Variants in ZNF83 observed in about 807,000 individuals in gnomAD.
ZNF83 encodes the protein zinc finger protein 83, also known as zinc finger protein 816B.
For missense variants in ZNF83, 552 were observed against 629.9 expected, an observed-to-expected ratio of 0.88 and a Z score of 1.32; for synonymous variants, 209 against 213.0, an observed-to-expected ratio of 0.98 and a Z score of 0.17.
intron 2 of ZNF83, among the ~76,000 whole-genome samples, chr19:52,631,492 T>G (rs906729854): frequency 5.3e-5 from 8 of 152,298 alleles, no homozygotes; most frequent in African/African-American, 1.7e-4. Flanking sequence ...ACTCTCTACA[T>G]TTCTCATAAC....
intron 2 of ZNF83, among the ~76,000 whole-genome samples, chr19:52,632,167 G>A (rs1406395887): frequency 6.6e-6 from 1 of 152,152 alleles, no homozygotes; most frequent in African/African-American, 2.4e-5. Context: ...CCTCTATACA[G>A]TCTGACAGCA....
At chr19:52,631,909 TCTA>T (rs1568548147) in intron 2 of ZNF83, among the ~76,000 whole-genome samples, 1 of 147,486 alleles carries the variant, frequency 6.8e-6, no homozygotes, top group African/African-American at 2.5e-5. Flanking sequence ...CATCTGCTAT[TCTA>T]CTACTCCTCA....
chr19:52,674,746 T>C (rs533823738), intron 1 of ZNF83, among the ~76,000 whole-genome samples: 5 of 152,330 alleles, frequency 3.3e-5, no homozygotes, highest in Admixed American at 2.0e-4. Context: ...TCTATGAACA[T>C]TGATCAAAAT....
At chr19:52,622,540 C>G (rs1292852586) in intron 2 of ZNF83, among the ~76,000 whole-genome samples, 1 of 152,154 alleles carries the variant, frequency 6.6e-6, no homozygotes, top group Non-Finnish European at 1.5e-5. Context: ...CAGACAGGCT[C>G]CCCAGGTATA....
chr19:52,630,891 T>G (rs1453251309), intron 2 of ZNF83, among the ~76,000 whole-genome samples: 3 of 152,088 alleles, frequency 2.0e-5, no homozygotes, highest in Non-Finnish European at 4.4e-5. Context: ...CAGATAAGAC[T>G]TAATAGGTTA....
chr19:52,645,031 AG>A lies in ZNF83; in HGVS notation c.-73-9879del, dbSNP rs398035022. Among the ~76,000 whole-genome samples, 5 of 145,540 alleles carry A rather than the reference AG, an allele frequency of 3.4e-5. No individual in the cohort carries two copies. In the East Asian group the frequency reaches 8.6e-4, roughly 25 times the overall value. ...ATCTTAAAAAAAAAAAAAAAAAAAA[AG>A]GGGGTGCTTTTGGCACAGCGTTCCG... is the stretch of plus-strand genomic sequence containing the variant. On this transcript the variant is annotated intron_variant, in intron 3 of 5. Coordinates refer to the ZNF83 transcript ENST00000594682.
intron 2 of ZNF83, among the ~76,000 whole-genome samples, chr19:52,624,017 CCCAGCCCCTCTTT>C (rs1451449302): frequency 2.0e-5 from 3 of 152,198 alleles, no homozygotes; most frequent in Admixed American, 6.5e-5. Context: ...CACCCCTCAT[CCCAGCCCCTCTTT>C]GCTTTTACCT....
chr19:52,669,545 C>A (rs140616492), intron 1 of ZNF83, among the ~76,000 whole-genome samples: 2 of 152,136 alleles, frequency 1.3e-5, no homozygotes, highest in Admixed American at 6.5e-5. Flanking sequence ...GAGTTTGCAT[C>A]ATAATTAAAA....
At chr19:52,673,034 A>C (rs772739216) in intron 1 of ZNF83, among the ~76,000 whole-genome samples, 16 of 151,740 alleles carry the variant, frequency 1.1e-4, no homozygotes, top group Non-Finnish European at 2.2e-4. Context: ...GGTGGCTCAA[A>C]CCTATAAGCC....
chr19:52,662,506 G>A (rs2061593454), intron 1 of ZNF83, among the ~76,000 whole-genome samples: 1 of 152,158 alleles, frequency 6.6e-6, no homozygotes, highest in South Asian at 2.1e-4. Flanking sequence ...CAGAGACAAG[G>A]AGAGGTTCAA....
chr19:52,646,003 G>C (rs570903484), intron 3 of ZNF83, among the ~76,000 whole-genome samples: 19 of 152,142 alleles, frequency 1.2e-4, no homozygotes, highest in Admixed American at 5.2e-4. Flanking sequence ...GCAGTGGCAT[G>C]ATTTCGGCTC....
chr19:52,620,230 ATATGTATATATG>A (rs1312691169), intron 2 of ZNF83, among the ~76,000 whole-genome samples: 1 of 98,788 alleles, frequency 1.0e-5, no homozygotes, highest in Non-Finnish European at 2.4e-5. Context: ...GTGTATGTGT[ATATGTATATATG>A]TGTGTGTATA....
At chr19:52,656,087 C>G (rs1368629140) in intron 2 of ZNF83, among the ~76,000 whole-genome samples, 1 of 152,044 alleles carries the variant, frequency 6.6e-6, no homozygotes, top group Non-Finnish European at 1.5e-5. Context: ...GTTGTGCATG[C>G]CTCTAGTCCC....
intron 1 of ZNF83, among the ~76,000 whole-genome samples, chr19:52,666,102 T>C (rs2066632419): frequency 6.8e-6 from 1 of 147,664 alleles, no homozygotes; most frequent in Non-Finnish European, 1.5e-5. Context: ...AGGCGGAGCT[T>C]GCAGTGAGCC....
chr19:52,652,253 T>A lies in ZNF83; in HGVS notation c.-74+3308A>T, dbSNP rs185858626. On this transcript the variant is annotated intron_variant, in intron 3 of 5. Coordinates refer to the ZNF83 transcript ENST00000594682. ...AGAGTTGAGAGCAACCAGGCCAACA[T>A]GGTGAAACCCTGTCTCTACTAAAAA... 4.5e-4 allele frequency: 105 copies of A among 232,712 alleles called. 2 individuals are homozygous for A. The allele number at this position is 232,712 out of a possible 1,614,324, so 14.4% of individuals were successfully genotyped here.
At chr19:52,687,800 G>A (rs1051351646) in intron 1 of ZNF83, among the ~76,000 whole-genome samples, 5 of 148,586 alleles carry the variant, frequency 3.4e-5, no homozygotes, top group Non-Finnish European at 5.9e-5. Flanking sequence ...ACTCCAGCCC[G>A]AGTGATACAG....
At chr19:52,672,917 T>C (rs545119581) in intron 1 of ZNF83, among the ~76,000 whole-genome samples, 1 of 152,142 alleles carries the variant, frequency 6.6e-6, no homozygotes, top group South Asian at 2.1e-4. Flanking sequence ...AAATAGAACA[T>C]GATAATGGGT....
chr19:52,623,312 GT>G (rs1169338386), intron 2 of ZNF83, among the ~76,000 whole-genome samples: 1 of 152,128 alleles, frequency 6.6e-6, no homozygotes, highest in African/African-American at 2.4e-5. Flanking sequence ...TCCATCCCCT[GT>G]TTAATTGATA....
intron 2 of ZNF83, among the ~76,000 whole-genome samples, chr19:52,623,694 A>C (rs1171456551): frequency 6.6e-6 from 1 of 151,970 alleles, no homozygotes; most frequent in African/African-American, 2.4e-5. Flanking sequence ...ACCCATACCT[A>C]ATCACCCTTA....
Sources: gnomAD v4.1 joint callset for allele counts (sites outside exome capture counted in the v4.1 genomes callset) on GRCh38, gnomAD v4.1.1 for gene constraint, MANE v1.5 for transcripts, NCBI Gene and HGNC (gene_info 2026-07-23, HGNC 2026-07-21) for gene names.